RPS6KB1: variants seen among roughly 807,000 people sequenced by gnomAD.
RPS6KB1 encodes ribosomal protein S6 kinase beta-1.
Under a neutral mutation model 70.2 loss-of-function variants are expected in RPS6KB1, and 12 were observed. That is an observed-to-expected ratio of 0.17 (90% CI 0.11 to 0.28). The LOEUF is 0.28. Among genes scored for constraint, RPS6KB1 ranks in the 10% least tolerant of loss-of-function variants. The probability of loss-of-function intolerance (pLI) is 1.00; values close to 1 mark genes in which losing one functional copy is unlikely to be tolerated. For synonymous variants in RPS6KB1, 175 were observed against 211.2 expected (o/e 0.83, Z 1.49); for missense variants, 270 against 646.6 (o/e 0.42, Z 6.32).
At chr17:59,901,150 G>A (rs1036842710) in intron 1 of RPS6KB1, among the ~76,000 whole-genome samples, 3 of 150,914 alleles carry the variant, frequency 2.0e-5, no homozygotes, top group Admixed American at 2.0e-4. Context: ...AACAGAGTGA[G>A]ACCTTGCATT....
chr17:59,910,966 T>C (rs1009775539), intron 2 of RPS6KB1, among the ~76,000 whole-genome samples: 1 of 149,774 alleles, frequency 6.7e-6, no homozygotes, highest in Admixed American at 6.6e-5. Flanking sequence ...AAACAGAAAT[T>C]CATACAGTCA....
At chr17:59,921,506 C>G (rs545404077) in intron 4 of RPS6KB1, among the ~76,000 whole-genome samples, 4 of 152,302 alleles carry the variant, frequency 2.6e-5, no homozygotes, top group South Asian at 2.1e-4. Flanking sequence ...ACTAACCCCT[C>G]TGACCTGAGT....
intron 1 of RPS6KB1, among the ~76,000 whole-genome samples, chr17:59,900,065 C>T (rs2041816599): frequency 6.6e-6 from 1 of 151,752 alleles, no homozygotes; most frequent in South Asian, 2.1e-4. Flanking sequence ...ACTAGTGACT[C>T]CAGAGGCTGA....
At chr17:59,901,883 G>A (rs940669533) in intron 1 of RPS6KB1, among the ~76,000 whole-genome samples, 1 of 151,378 alleles carries the variant, frequency 6.6e-6, no homozygotes, top group Admixed American at 6.6e-5. Flanking sequence ...ATCCGTCTTG[G>A]TGGTGTGCGG....
intron 4 of RPS6KB1, among the ~76,000 whole-genome samples, chr17:59,920,139 T>A (rs1383549060): frequency 1.3e-5 from 2 of 151,664 alleles, no homozygotes; most frequent in Non-Finnish European, 2.9e-5. Flanking sequence ...TGCCTCAACC[T>A]CCTGAGTAGC....
intron 5 of RPS6KB1, among the ~76,000 whole-genome samples, chr17:59,929,672 C>T (rs1258338175): frequency 6.6e-6 from 1 of 152,036 alleles, no homozygotes; most frequent in Non-Finnish European, 1.5e-5. Flanking sequence ...TTTTACTAGG[C>T]CAGTGCCAGG....
chr17:59,920,042 G>A (rs2043180207), intron 4 of RPS6KB1, among the ~76,000 whole-genome samples: 1 of 151,722 alleles, frequency 6.6e-6, no homozygotes, highest in Non-Finnish European at 1.5e-5. Context: ...GATTATGTGT[G>A]TGTTTGTTTT....
intron 5 of RPS6KB1, among the ~76,000 whole-genome samples, chr17:59,928,038 A>C (rs1402953832): frequency 6.6e-6 from 1 of 151,548 alleles, no homozygotes; most frequent in East Asian, 2.0e-4. Flanking sequence ...TGCTCCTGTA[A>C]TCCCAGCTAC....
chr17:59,927,949 G>C (rs2043712618), intron 5 of RPS6KB1, among the ~76,000 whole-genome samples: 1 of 151,866 alleles, frequency 6.6e-6, no homozygotes, highest in Non-Finnish European at 1.5e-5. Context: ...CATGAGGTCA[G>C]GAGTTTGAGA....
chr17:59,916,529 T>A (rs997860387), intron 4 of RPS6KB1, among the ~76,000 whole-genome samples: 1 of 152,244 alleles, frequency 6.6e-6, no homozygotes, highest in Admixed American at 6.5e-5. Flanking sequence ...CCAACAACTT[T>A]GTAAAACACC....
In RPS6KB1 at chr17:59,893,467, C is replaced by T. The variant is rs932605136; in HGVS notation, c.141+142C>T. The T allele has an allele frequency of 1.3e-5, 11 of 868,994 alleles. No homozygotes were observed. The highest frequency in any genetic ancestry group is 1.7e-6 in the Non-Finnish European group (1 of 571,822). 53.8% of individuals were successfully genotyped at this position (868,994 alleles called of 1,614,324 possible). A position where few individuals can be genotyped will look rare whatever the true frequency, so the allele number is the denominator to read the frequency against. On this transcript the variant is annotated intron_variant, in intron 1 of 14. Coordinates refer to ENST00000225577, the MANE Select transcript of RPS6KB1 (RefSeq NM_003161.4). The surrounding 1 kb of genome is among the most constrained non-coding windows in gnomAD (Gnocchi z 4.1). Reference sequence around the variant, plus strand: ...GGTCGCGCGGCCTGAGACAGGGGAGCGGGCGGGGCGGTCATGGCCCTAGGT... The same window carrying T: ...GGTCGCGCGGCCTGAGACAGGGGAGTGGGCGGGGCGGTCATGGCCCTAGGT...
At chr17:59,932,934 T>A (rs544534339) in intron 7 of RPS6KB1, among the ~76,000 whole-genome samples, 2 of 152,280 alleles carry the variant, frequency 1.3e-5, no homozygotes, top group East Asian at 3.9e-4. Context: ...CAACTATAGA[T>A]ATAGCACAGT....
chr17:59,946,969 A>T lies in RPS6KB1; in HGVS notation c.*181A>T. On this transcript the variant is annotated 3_prime_UTR_variant, in exon 15 of 15. Transcript: ENST00000225577. The surrounding 1 kb of genome is among the most constrained non-coding windows in gnomAD (Gnocchi z 4.2). Reference sequence around the variant, plus strand: ...AAAATCAATCAATGGTGCAAAAAAAAACTTAAAGCAAAATAGTATTGCTGA... The same window carrying T: ...AAAATCAATCAATGGTGCAAAAAAATACTTAAAGCAAAATAGTATTGCTGA... The T allele has an allele frequency of 7.0e-7, 1 of 1,432,600 alleles. No homozygotes were observed. The highest frequency in any genetic ancestry group is 1.5e-5 in the South Asian group (1 of 66,470). 88.7% of individuals were successfully genotyped at this position (1,432,600 alleles called of 1,614,324 possible). A position where few individuals can be genotyped will look rare whatever the true frequency, so the allele number is the denominator to read the frequency against.
intron 1 of RPS6KB1, among the ~76,000 whole-genome samples, chr17:59,904,073 T>TATTTATTC (rs1283631697): frequency 2.0e-5 from 3 of 146,524 alleles, no homozygotes; most frequent in Non-Finnish European, 4.4e-5. Flanking sequence ...TTGGAGTATT[T>TATTTATTC]ATTTATTTAT....
chr17:59,924,112 T>C (rs2043445139), intron 4 of RPS6KB1, among the ~76,000 whole-genome samples: 1 of 152,086 alleles, frequency 6.6e-6, no homozygotes, highest in Non-Finnish European at 1.5e-5. Context: ...GGCGGGCGGA[T>C]CATGAGCTCA....
intron 7 of RPS6KB1, among the ~76,000 whole-genome samples, chr17:59,932,709 G>A (rs1005084912): frequency 1.3e-5 from 2 of 151,884 alleles, no homozygotes; most frequent in Non-Finnish European, 2.9e-5. Context: ...ACACCACCAC[G>A]CCTGACTAAT....
In RPS6KB1 at chr17:59,893,462, G is replaced by T; in HGVS notation, c.141+137G>T. ...CTGAGGGTCGCGCGGCCTGAGACAG[G>T]GGAGCGGGCGGGGCGGTCATGGCCC... On this transcript the variant is annotated intron_variant, in intron 1 of 14. Coordinates refer to ENST00000225577, the MANE Select transcript of RPS6KB1 (RefSeq NM_003161.4). This position sits in a 1 kb window ranked among gnomAD's most constrained non-coding sequence, Gnocchi z 4.1. 2 of 904,988 alleles carry T rather than the reference G, an allele frequency of 2.2e-6. No homozygotes were observed. The highest frequency in any genetic ancestry group is 1.7e-6 in the Non-Finnish European group (1 of 602,604). 56.1% of individuals were successfully genotyped at this position (904,988 alleles called of 1,614,324 possible).
At position 59,904,758 on chromosome 17, in the gene RPS6KB1, G is replaced by A. The variant is rs553169846; in HGVS notation, c.142-5804G>A. Among the ~76,000 whole-genome samples, 15 of 147,260 alleles carry A rather than the reference G, an allele frequency of 1.0e-4. 1 individual carries two copies. Among genetic ancestry groups the A allele is most frequent in the African/African-American group, 3.3e-4 (13 of 39,690 alleles). ...GTTGCCCAGGCTGGAGTGCAGTGGC[G>A]CGATCTCAGCTCACTGCAACCTCTG... On this transcript the variant is annotated intron_variant, in intron 1 of 14. Coordinates refer to ENST00000225577, the MANE Select transcript of RPS6KB1 (RefSeq NM_003161.4).
rs79908258 is a variant in RPS6KB1, at chr17:59,907,716, T to A, written c.142-2846T>A. ...ACCACACTCAGCTAATTTTTAAAAA[T>A]TTTTTTGTGGAGGCAGGATCTTACT... On this transcript the variant is annotated intron_variant, in intron 1 of 14. Transcript: ENST00000225577. Among the ~76,000 whole-genome samples, 1,282 of 152,072 alleles carry A rather than the reference T, an allele frequency of 8.4e-3. 20 individuals are homozygous for A. Among genetic ancestry groups the A allele is most frequent in the African/African-American group, 0.029 (1,195 of 41,456 alleles).
Sources: allele counts gnomAD v4.1 joint callset (sites outside exome capture counted in the v4.1 genomes callset), GRCh38; gene constraint gnomAD v4.1.1; non-coding constraint Gnocchi (gnomAD v3.1); transcripts MANE v1.5; gene names NCBI Gene and HGNC (gene_info 2026-07-23, HGNC 2026-07-21).